Variants in SAP130 observed in about 807,000 individuals in gnomAD.
SAP130 encodes Sin3A associated protein 130.
A neutral mutation model predicts 103.2 loss-of-function variants in SAP130; 16 were observed. The observed-to-expected ratio is 0.16, with a 90% CI of 0.10 to 0.24. The LOEUF is 0.24. SAP130 is among the 10% of genes least tolerant of loss of function. The probability of loss-of-function intolerance (pLI) is 1.00; values close to 1 mark genes in which losing one functional copy is unlikely to be tolerated. For missense variants in SAP130, 990 were observed against 1,359.7 expected, an observed-to-expected ratio of 0.73 and a Z score of 4.28; for synonymous variants, 477 against 497.0, an observed-to-expected ratio of 0.96 and a Z score of 0.53.
intron 6 of SAP130, among the ~76,000 whole-genome samples, chr2:128,012,464 T>C: frequency 6.6e-6 from 1 of 151,972 alleles, no homozygotes; most frequent in Non-Finnish European, 1.5e-5. Flanking sequence ...AGTGAGACTG[T>C]CTCAAAAAAC....
intron 15 of SAP130, among the ~76,000 whole-genome samples, chr2:127,963,070 C>A (rs1680373980): frequency 6.6e-6 from 1 of 151,640 alleles, no homozygotes; most frequent in African/African-American, 2.4e-5. Context: ...CTTTATTCTT[C>A]ATTTCTGGCA....
chr2:127,976,806 A>T (rs916213264), intron 15 of SAP130, among the ~76,000 whole-genome samples: 23 of 152,208 alleles, frequency 1.5e-4, no homozygotes, highest in Admixed American at 3.9e-4. Flanking sequence ...GATACTCAGG[A>T]GGCTGAGGCA....
intron 7 of SAP130, among the ~76,000 whole-genome samples, chr2:128,010,057 T>C (rs1225427382): frequency 6.6e-6 from 1 of 152,100 alleles, no homozygotes; most frequent in Non-Finnish European, 1.5e-5. Flanking sequence ...AGCTACATAT[T>C]TATCGCGTCT....
chr2:128,020,952 T>C (rs1157317215), intron 2 of SAP130, among the ~76,000 whole-genome samples: 1 of 152,026 alleles, frequency 6.6e-6, no homozygotes, highest in Non-Finnish European at 1.5e-5. Context: ...GCCAAGACTG[T>C]GCACTCCAGC....
At chr2:127,946,337 G>A (rs937002573) in intron 18 of SAP130, among the ~76,000 whole-genome samples, 4 of 152,288 alleles carry the variant, frequency 2.6e-5, no homozygotes, top group African/African-American at 4.8e-5. Flanking sequence ...TGGTTTGAAG[G>A]AAAGAACAAA....
At chr2:128,026,148 G>C (rs1462700258) in intron 2 of SAP130, 33 bp downstream of exon 2, 3 of 1,403,452 alleles carry the variant, frequency 2.1e-6, no homozygotes, top group South Asian at 2.5e-5. Flanking sequence ...TCTTAAAGTA[G>C]GAAAAAATAT....
chr2:128,027,123 G>A lies in SAP130; in HGVS notation c.-7+817C>T, dbSNP rs760432054. On this transcript the variant is annotated intron_variant, in intron 1 of 20. Transcript: ENST00000643581. ...CCGCCGCCCGCCGCCCGCACCGCCC[G>A]CTTCTATCTCGCCGGCCTGGGGGTG... The A allele has an allele frequency of 4.2e-5, 59 of 1,400,266 alleles. 1 individual carries two copies. The highest frequency in any genetic ancestry group is 4.4e-5 in the Non-Finnish European group (47 of 1,062,332). The allele number at this position is 1,400,266 out of a possible 1,614,324, so 86.7% of individuals were successfully genotyped here.
intron 10 of SAP130, among the ~76,000 whole-genome samples, chr2:127,997,126 G>A (rs187141829): frequency 6.6e-6 from 1 of 152,180 alleles, no homozygotes; most frequent in East Asian, 1.9e-4. Context: ...AATGTCCTAC[G>A]ATTTTATATA....
At chr2:127,954,842 A>C in intron 16 of SAP130, 144 bp downstream of exon 16, 1 of 625,242 alleles carries the variant, frequency 1.6e-6, no homozygotes, top group Non-Finnish European at 2.8e-6. Flanking sequence ...TCTTCTACTT[A>C]TCAAAAACTA....
At position 127,989,612 on chromosome 2, in the gene SAP130, G is replaced by A. The variant is rs757179333; in HGVS notation, c.1732C>T (p.Pro578Ser). The A allele has an allele frequency of 3.4e-5, 55 of 1,614,064 alleles. No individual in the cohort carries two copies. The highest frequency in any genetic ancestry group is 3.3e-4 in the Middle Eastern group (2 of 6,084). ...ATPINTQGLQ[P>S]APMGTQQPQP... ...GGCTGCTGAGTACCCATAGGTGCAG[G>A]CTGAAGCCCTTGTGTGTTGATTGGG... The change falls in exon 13 of 21, where the codon CCT becomes TCT. Residue 578 changes from proline to serine, a missense_variant. Coordinates refer to ENST00000643581, the MANE Select transcript of SAP130 (RefSeq NM_001330301.2). This position sits in a 1 kb window ranked among gnomAD's most constrained non-coding sequence, Gnocchi z 4.6.
At chr2:127,973,018 TCA>T (rs1681197458) in intron 15 of SAP130, among the ~76,000 whole-genome samples, 1 of 152,130 alleles carries the variant, frequency 6.6e-6, no homozygotes, top group Non-Finnish European at 1.5e-5. Context: ...CCTCAGAACA[TCA>T]CACAGTATAG....
chr2:127,955,517 C>T lies in SAP130; in HGVS notation c.2064-173G>A, dbSNP rs1679780872. 1.3e-5 allele frequency among the ~76,000 whole-genome samples: 2 copies of T among 152,062 alleles called. No individual in the cohort carries two copies. The highest frequency in any genetic ancestry group is 1.3e-4 in the Admixed American group (2 of 15,256). ...TTAAAAAAATTTTGAGACAGGGTCT[C>T]ACTCTGTTACCCATGCTGGAGTGAA... On this transcript the variant is annotated intron_variant, in intron 15 of 20. Transcript: ENST00000643581. This position sits in a 1 kb window ranked among gnomAD's most constrained non-coding sequence, Gnocchi z 4.9.
intron 7 of SAP130, among the ~76,000 whole-genome samples, chr2:128,006,762 G>A (rs915816777): frequency 1.3e-5 from 2 of 152,168 alleles, no homozygotes; most frequent in Non-Finnish European, 2.9e-5. Context: ...CCTGGCTGGC[G>A]GAGCAAGACG....
intron 2 of SAP130, among the ~76,000 whole-genome samples, chr2:128,019,722 C>G (rs371267751): frequency 6.6e-6 from 1 of 152,044 alleles, no homozygotes; most frequent in Non-Finnish European, 1.5e-5. Flanking sequence ...CCTGTCTCTA[C>G]TAAAAATACA....
At chr2:127,951,319 C>T (rs1679479764) in intron 16 of SAP130, among the ~76,000 whole-genome samples, 1 of 152,174 alleles carries the variant, frequency 6.6e-6, no homozygotes, top group African/African-American at 2.4e-5. Flanking sequence ...CTTATTTTCA[C>T]TCTACCACAT....
At chr2:127,964,122 G>C (rs1192953014) in intron 15 of SAP130, among the ~76,000 whole-genome samples, 1 of 152,190 alleles carries the variant, frequency 6.6e-6, no homozygotes, top group Non-Finnish European at 1.5e-5. Context: ...CTGAGCCGAG[G>C]AGTTCAAGGC....
chr2:127,959,412 G>T lies in SAP130; in HGVS notation c.2064-4068C>A, dbSNP rs151097739. The stretch of plus-strand genomic sequence containing the variant: ...AGAAACAACTGCGGCCTTGGCAAAG[G>T]CTGAGAAGAGTCTAGACTTACCCGG... On this transcript the variant is annotated intron_variant, in intron 15 of 20. Transcript: ENST00000643581. Among the ~76,000 whole-genome samples the T allele has an allele frequency of 8.5e-5, 13 of 152,302 alleles. No homozygotes were observed. The East Asian group carries it at 2.5e-3, about 29-fold the overall frequency.
intron 15 of SAP130, among the ~76,000 whole-genome samples, chr2:127,971,085 G>A (rs1681052351): frequency 1.3e-5 from 2 of 151,820 alleles, no homozygotes; most frequent in Non-Finnish European, 2.9e-5. Flanking sequence ...TGTGTAGCTG[G>A]GACTACAGGC....
At chr2:127,985,276 C>T (rs965586015) in intron 14 of SAP130, among the ~76,000 whole-genome samples, 4 of 152,338 alleles carry the variant, frequency 2.6e-5, no homozygotes, top group Admixed American at 1.3e-4. Flanking sequence ...CATGGACTGA[C>T]TTATCCTTTA....
Sources: gnomAD v4.1 joint callset for allele counts (sites outside exome capture counted in the v4.1 genomes callset) on GRCh38, gnomAD v4.1.1 for gene constraint, Gnocchi (gnomAD v3.1) non-coding constraint, MANE v1.5 for transcripts, NCBI Gene and HGNC (gene_info 2026-07-23, HGNC 2026-07-21) for gene names.